FRMD4B: variants seen among roughly 807,000 people sequenced by gnomAD.
FRMD4B encodes the protein FERM domain containing 4B.
A neutral mutation model predicts 141.5 loss-of-function variants in FRMD4B; 74 were observed. The ratio of observed to expected loss-of-function variants is 0.52; its 90% CI spans 0.43 to 0.63. FRMD4B has a LOEUF of 0.63. Ranked by LOEUF, FRMD4B falls within the 30% of genes least tolerant of loss-of-function variation. FRMD4B has a pLI of 0.00. For synonymous variants in FRMD4B, 506 were observed against 467.9 expected, an observed-to-expected ratio of 1.08 and a Z score of -1.05; for missense variants, 1,366 against 1,253.4, an observed-to-expected ratio of 1.09 and a Z score of -1.36.
At chr3:69,285,387 T>C (rs1244965599) in intron 5 of FRMD4B, among the ~76,000 whole-genome samples, 3 of 111,782 alleles carry the variant, frequency 2.7e-5, no homozygotes, top group Non-Finnish European at 5.3e-5. Context: ...AAATGAGGCA[T>C]ACATGAGGCC....
chr3:69,373,744 G>A lies in FRMD4B; in HGVS notation c.162+12084C>T, dbSNP rs570454138. Among the ~76,000 whole-genome samples the A allele has an allele frequency of 3.3e-5, 5 of 152,006 alleles. No homozygotes were observed. In the South Asian group the frequency reaches 6.2e-4, roughly 19 times the overall value. On this transcript the variant is annotated intron_variant, in intron 1 of 22. Transcript: ENST00000398540. ...ACAAAAAATTGCTGGGTGTGGTGGC[G>A]CGCCTGGAGTCTTAGCTACTTGAGA... is the stretch of plus-strand genomic sequence containing the variant.
intron 1 of FRMD4B, among the ~76,000 whole-genome samples, chr3:69,500,870 C>G (rs1053745103): frequency 1.3e-5 from 2 of 152,034 alleles, no homozygotes; most frequent in Non-Finnish European, 2.9e-5. Context: ...ATAAAGAATC[C>G]CCAGGACAAG....
At chr3:69,349,686 T>G (rs1703069951) in intron 1 of FRMD4B, among the ~76,000 whole-genome samples, 1 of 152,324 alleles carries the variant, frequency 6.6e-6, no homozygotes, top group Admixed American at 6.5e-5. Flanking sequence ...TACAACCATC[T>G]GATCTTTGAC....
At chr3:69,382,080 C>T (rs1174034838) in intron 1 of FRMD4B, among the ~76,000 whole-genome samples, 3 of 152,148 alleles carry the variant, frequency 2.0e-5, no homozygotes, top group East Asian at 1.9e-4. Flanking sequence ...CACTCTGTTG[C>T]CCAGGTTGGA....
intron 12 of FRMD4B, 158 bp downstream of exon 12, chr3:69,198,540 T>G: frequency 1.7e-6 from 1 of 605,558 alleles, no homozygotes; most frequent in Non-Finnish European, 3.0e-6. Context: ...CCTCAGAGGG[T>G]TAAAGATAGT....
chr3:69,375,295 A>C (rs1298204495), intron 1 of FRMD4B, among the ~76,000 whole-genome samples: 2 of 147,654 alleles, frequency 1.4e-5, no homozygotes, highest in South Asian at 2.1e-4. Flanking sequence ...CCATCCATCC[A>C]TCCATCCATC....
intron 22 of FRMD4B, 121 bp from the exon 23 acceptor site, chr3:69,172,102 A>G (rs1296189280): frequency 2.5e-6 from 2 of 809,640 alleles, no homozygotes; most frequent in East Asian, 5.3e-5. Context: ...CCCAAAATGT[A>G]GAGATAAGGG....
At chr3:69,221,992 T>G in intron 8 of FRMD4B, 69 bp from the exon 9 acceptor site, 1 of 821,062 alleles carries the variant, frequency 1.2e-6, no homozygotes, top group Non-Finnish European at 2.1e-6. Flanking sequence ...GTTTCCACAT[T>G]ATCAGGTGGC....
chr3:69,403,458 C>G (rs1704601333), intron 2 of FRMD4B, among the ~76,000 whole-genome samples: 1 of 152,104 alleles, frequency 6.6e-6, no homozygotes, highest in African/African-American at 2.4e-5. Flanking sequence ...CTTCTGCTAG[C>G]AAAACAACAG....
intron 2 of FRMD4B, among the ~76,000 whole-genome samples, chr3:69,409,381 T>C (rs972317909): frequency 6.6e-6 from 1 of 152,178 alleles, no homozygotes; most frequent in Non-Finnish European, 1.5e-5. Flanking sequence ...GTCCCATTTC[T>C]CTGTGTGCAC....
chr3:69,267,589 GTGTGTGTATATATATATATATATA>G lies in FRMD4B; in HGVS notation c.502-17514_502-17491del, dbSNP rs56147801. ...TACATATATATATATGTGTGTGTGT[GTGTGTGTATATATATATATATATA>G]TATATATATATATATATATATATAG... is the stretch of plus-strand genomic sequence containing the variant. On this transcript the variant is annotated intron_variant, in intron 5 of 22. Transcript: ENST00000398540. 2.7e-3 allele frequency among the ~76,000 whole-genome samples: 272 copies of G among 101,276 alleles called. 28 individuals carry two copies. Among genetic ancestry groups the G allele is most frequent in the Middle Eastern group, 0.011 (2 of 182 alleles). The allele number at this position is 101,276 out of a possible 152,430, so 66.4% of individuals were successfully genotyped here.
At chr3:69,316,197 G>C (rs1390426454) in intron 1 of FRMD4B, among the ~76,000 whole-genome samples, 1 of 152,214 alleles carries the variant, frequency 6.6e-6, no homozygotes, top group African/African-American at 2.4e-5. Context: ...CTGAGGTAGT[G>C]CTAAGAGGTA....
chr3:69,223,244 A>C (rs1489513617), intron 8 of FRMD4B, among the ~76,000 whole-genome samples: 1 of 152,174 alleles, frequency 6.6e-6, no homozygotes, highest in East Asian at 1.9e-4. Context: ...GGCTGGGTGC[A>C]GTGGCTCACG....
At chr3:69,303,236 C>T (rs998608264) in intron 3 of FRMD4B, among the ~76,000 whole-genome samples, 5 of 76,752 alleles carry the variant, frequency 6.5e-5, no homozygotes, top group African/African-American at 1.6e-4. Context: ...GATGATCGCT[C>T]GAGCCCAGGT....
chr3:69,281,230 C>T (rs1182274137), intron 5 of FRMD4B, among the ~76,000 whole-genome samples: 2 of 152,074 alleles, frequency 1.3e-5, no homozygotes, highest in South Asian at 4.2e-4. Flanking sequence ...CCACTGTGCC[C>T]GGCCTGAAAT....
intron 2 of FRMD4B, among the ~76,000 whole-genome samples, chr3:69,414,957 C>G (rs529128611): frequency 4.0e-4 from 61 of 151,582 alleles, no homozygotes; most frequent in African/African-American, 1.4e-3. Flanking sequence ...CCTCCGCCTC[C>G]CGGGTTCAAA....
At chr3:69,467,217 G>A (rs1196619484) in intron 1 of FRMD4B, among the ~76,000 whole-genome samples, 3 of 152,096 alleles carry the variant, frequency 2.0e-5, no homozygotes, top group African/African-American at 4.8e-5. Flanking sequence ...TGTCACTTTG[G>A]TTCTCCAAGC....
intron 7 of FRMD4B, among the ~76,000 whole-genome samples, chr3:69,227,101 C>T (rs550220773): frequency 6.6e-6 from 1 of 152,174 alleles, no homozygotes; most frequent in Non-Finnish European, 1.5e-5. Context: ...TTCAGCATAT[C>T]ATTTTCCCAG....
chr3:69,451,972 G>A (rs1272210986), intron 1 of FRMD4B, among the ~76,000 whole-genome samples: 1 of 152,186 alleles, frequency 6.6e-6, no homozygotes, highest in African/African-American at 2.4e-5. Flanking sequence ...CACATAAATG[G>A]ATTTCTTCTT....
Sources: allele counts gnomAD v4.1 joint callset (sites outside exome capture counted in the v4.1 genomes callset), GRCh38; gene constraint gnomAD v4.1.1; transcripts MANE v1.5; gene names NCBI Gene and HGNC (gene_info 2026-07-23, HGNC 2026-07-21).